Variants in ADCY2 observed in about 807,000 individuals in gnomAD.
ADCY2 encodes adenylate cyclase 2.
ADCY2 carries 31 observed loss-of-function variants against 125.2 expected under a neutral mutation model. The observed-to-expected ratio is 0.25, with a 90% confidence interval of 0.19 to 0.33. ADCY2 has a LOEUF of 0.33. ADCY2 is among the 10% of genes least tolerant of loss of function. The pLI is 1.00. For synonymous variants in ADCY2, 512 were observed against 548.4 expected, an observed-to-expected ratio of 0.93 and a Z score of 0.93; for missense variants, 904 against 1,418.2, an observed-to-expected ratio of 0.64 and a Z score of 5.82.
intron 2 of ADCY2, among the ~76,000 whole-genome samples, chr5:7,498,398 C>T (rs1054831572): frequency 6.6e-6 from 1 of 151,484 alleles, no homozygotes; most frequent in African/African-American, 2.4e-5. Context: ...ACAGGCGCCC[C>T]CCACCGCACC....
chr5:7,707,860 C>A (rs972707000), intron 9 of ADCY2, 22 bp downstream of exon 9: 2 of 1,606,034 alleles, frequency 1.2e-6, no homozygotes, highest in Admixed American at 1.7e-5. Context: ...TGTAAAGAGT[C>A]TATGATGAAA....
chr5:7,670,871 T>C (rs1739910647), intron 4 of ADCY2, among the ~76,000 whole-genome samples: 1 of 152,202 alleles, frequency 6.6e-6, no homozygotes, highest in Admixed American at 6.5e-5. Context: ...TGCGGCCCAG[T>C]TCCTAACAGG....
Position 7,766,706 on chromosome 5 carries a change from A to T in ADCY2, c.2114A>T (p.Glu705Val). 6.2e-7 allele frequency: 1 copy of T among 1,611,920 alleles called. No individual in the cohort carries two copies. Residue 705 changes from glutamate to valine, a missense_variant, in exon 17 of 25, where the codon GAG (glutamate) becomes GTG (valine). This residue lies in a region of ADCY2 where 221 missense variants were observed against 246.2 expected (regional missense o/e 0.90). Transcript: ENST00000338316. Reference sequence around the variant, plus strand: ...TTGCAGTTTTTCCTGAGTGACTCAGAGGAAACAATCCCTCCAACTGCCAAC... The same window carrying T: ...TTGCAGTTTTTCCTGAGTGACTCAGTGGAAACAATCCCTCCAACTGCCAAC... ...VFNMFFLSDSEETIPPTANTT... is the reference protein window; with the variant it reads ...VFNMFFLSDSVETIPPTANTT...
At chr5:7,820,206 G>A (rs1745253128) in intron 23 of ADCY2, among the ~76,000 whole-genome samples, 1 of 152,112 alleles carries the variant, frequency 6.6e-6, no homozygotes, top group Non-Finnish European at 1.5e-5. Context: ...CAAAGGGGAA[G>A]CTTTGGCCTG....
intron 21 of ADCY2, among the ~76,000 whole-genome samples, chr5:7,804,040 AAGAGAGAGAGAGAGAG>A (rs57193249): frequency 0.02 from 2,146 of 106,610 alleles, 70 homozygotes; most frequent in African/African-American, 0.075. Flanking sequence ...GGAGGGGGGA[AAGAGAGAGAGAGAGAG>A]AGAGAGAGAG....
chr5:7,822,766 G>A (rs1410577242), intron 24 of ADCY2, among the ~76,000 whole-genome samples: 1 of 152,080 alleles, frequency 6.6e-6, no homozygotes, highest in Non-Finnish European at 1.5e-5. Context: ...CACTCTATTT[G>A]TCTCACTCTC....
chr5:7,634,767 C>T (rs1738436189), intron 4 of ADCY2, among the ~76,000 whole-genome samples: 1 of 151,676 alleles, frequency 6.6e-6, no homozygotes, highest in Non-Finnish European at 1.5e-5. Flanking sequence ...CAGAGGTAGC[C>T]AAGACTAGAG....
At chr5:7,641,811 A>G (rs1160493971) in intron 4 of ADCY2, among the ~76,000 whole-genome samples, 1 of 151,946 alleles carries the variant, frequency 6.6e-6, no homozygotes, top group Non-Finnish European at 1.5e-5. Context: ...TTTGCTTAGG[A>G]TTATGGCCTC....
At position 7,804,704 on chromosome 5, in the gene ADCY2, T is replaced by A; in HGVS notation, c.2883+12T>A. ...AGGAGCACTCCCAGGTAAGACGCGT[T>A]GGCCACTTAACGGCACAGGTGAGCC... On this transcript the variant is annotated intron_variant, in intron 22 of 24. Transcript: ENST00000338316. 1.2e-6 allele frequency: 2 copies of A among 1,609,486 alleles called. No individual in the cohort carries two copies. The highest frequency in any genetic ancestry group is 1.7e-6 in the Non-Finnish European group (2 of 1,175,810).
At chr5:7,446,160 A>G (rs1741242286) in intron 2 of ADCY2, among the ~76,000 whole-genome samples, 2 of 152,338 alleles carry the variant, frequency 1.3e-5, no homozygotes, top group Admixed American at 6.5e-5. Flanking sequence ...GTAAGCATCC[A>G]TCAACTCCTC....
At chr5:7,432,845 A>C (rs1740655521) in intron 2 of ADCY2, among the ~76,000 whole-genome samples, 1 of 151,806 alleles carries the variant, frequency 6.6e-6, no homozygotes, top group South Asian at 2.1e-4. Flanking sequence ...AATTGTGGTG[A>C]TAGTTTCACA....
Position 7,572,953 on chromosome 5 carries a change from G to A in ADCY2, c.570+52054G>A, listed in dbSNP as rs141930184. 3.9e-5 allele frequency among the ~76,000 whole-genome samples: 6 copies of A among 152,182 alleles called. No homozygotes were observed. In the East Asian group the frequency reaches 1.2e-3, roughly 29 times the overall value. On this transcript the variant is annotated intron_variant, in intron 3 of 24. Coordinates refer to ENST00000338316, the MANE Select transcript of ADCY2 (RefSeq NM_020546.3). ...ATTGAGTCTTTACAGAAGTAATTAA[G>A]GTTAAACAAGGTCTTTAGGGTGGGC... is the stretch of plus-strand genomic sequence containing the variant.
chr5:7,703,709 C>T (rs1717142356), intron 7 of ADCY2, among the ~76,000 whole-genome samples: 2 of 152,298 alleles, frequency 1.3e-5, no homozygotes, highest in South Asian at 4.1e-4. Context: ...ACAGTGCAGG[C>T]TCTTTTTTGG....
At chr5:7,572,854 A>G (rs1736107318) in intron 3 of ADCY2, among the ~76,000 whole-genome samples, 2 of 152,176 alleles carry the variant, frequency 1.3e-5, no homozygotes, top group Non-Finnish European at 2.9e-5. Flanking sequence ...GCATATGAGT[A>G]GCCAGTTATT....
At chr5:7,642,803 A>G (rs972740671) in intron 4 of ADCY2, among the ~76,000 whole-genome samples, 4 of 152,140 alleles carry the variant, frequency 2.6e-5, no homozygotes, top group Non-Finnish European at 5.9e-5. Context: ...CCTCTTTTCA[A>G]CATTCTTAAA....
At chr5:7,818,758 G>A (rs939967207) in intron 23 of ADCY2, among the ~76,000 whole-genome samples, 3 of 148,456 alleles carry the variant, frequency 2.0e-5, no homozygotes, top group African/African-American at 7.4e-5. Context: ...ACCAAACATG[G>A]GCGTGTCCCT....
chr5:7,596,283 C>T (rs547647707), intron 3 of ADCY2, among the ~76,000 whole-genome samples: 259 of 151,974 alleles, frequency 1.7e-3, no homozygotes, highest in African/African-American at 5.7e-3. Context: ...ACTCCCCCCC[C>T]CCACCAGTTA....
chr5:7,560,259 C>A (rs1280462447), intron 3 of ADCY2, among the ~76,000 whole-genome samples: 1 of 152,164 alleles, frequency 6.6e-6, no homozygotes, highest in African/African-American at 2.4e-5. Context: ...AGACTGGATG[C>A]CAGTTGCCTC....
chr5:7,789,632 C>T lies in ADCY2; in HGVS notation c.2470-10C>T, dbSNP rs781029599. 2 of 1,612,496 alleles carry T rather than the reference C, an allele frequency of 1.2e-6. No individual in the cohort carries two copies. Among genetic ancestry groups the T allele is most frequent in the South Asian group, 2.2e-5 (2 of 90,764 alleles). ...TATTGTTTCTTTACCTCTGTGTCCTCTTGTAACAGAATGAATATTACTGTA... is the reference window on the plus strand; with the variant it reads ...TATTGTTTCTTTACCTCTGTGTCCTTTTGTAACAGAATGAATATTACTGTA... On this transcript the variant is annotated splice_polypyrimidine_tract_variant and intron_variant, in intron 19 of 24. Coordinates refer to ENST00000338316, the MANE Select transcript of ADCY2 (RefSeq NM_020546.3).
Sources: gnomAD v4.1 joint callset for allele counts (sites outside exome capture counted in the v4.1 genomes callset) on GRCh38, gnomAD v4.1.1 for gene constraint, gnomAD v4.1.1 regional missense constraint, MANE v1.5 for transcripts, NCBI Gene and HGNC (gene_info 2026-07-23, HGNC 2026-07-21) for gene names.